Variants in KAT6B observed in about 807,000 individuals in gnomAD.
The protein encoded by KAT6B is lysine acetyltransferase 6B.
A neutral mutation model predicts 187.5 loss-of-function variants in KAT6B; 10 were observed. That is an observed-to-expected ratio of 0.05 (90% CI 0.03 to 0.09). The LOEUF (loss-of-function observed/expected upper bound fraction) is 0.09, where lower values mean the gene tolerates loss of function less well. Among genes scored for constraint, KAT6B ranks in the 10% least tolerant of loss-of-function variants. The pLI is 1.00. For synonymous variants in KAT6B, 861 were observed against 926.8 expected (o/e 0.93, Z 1.29); for missense variants, 1,952 against 2,558.9 (o/e 0.76, Z 5.12).
intron 17 of KAT6B, among the ~76,000 whole-genome samples, chr10:75,027,918 T>G (rs1845997855): frequency 6.6e-6 from 1 of 152,106 alleles, no homozygotes; most frequent in Admixed American, 6.5e-5. Flanking sequence ...TTTTGGGTAT[T>G]TAGTTATTTA....
chr10:74,879,107 C>CA (rs1844657342), intron 3 of KAT6B, among the ~76,000 whole-genome samples: 1 of 152,158 alleles, frequency 6.6e-6, no homozygotes, highest in East Asian at 1.9e-4. Flanking sequence ...AAGTAGCTTC[C>CA]CAGTCTCTTT....
chr10:74,959,526 T>G (rs1217947673), intron 3 of KAT6B, among the ~76,000 whole-genome samples: 1 of 152,188 alleles, frequency 6.6e-6, no homozygotes, highest in Non-Finnish European at 1.5e-5. Context: ...GTCAAATAAT[T>G]TAAGAGATTT....
chr10:74,843,063 C>T lies in KAT6B; in HGVS notation c.206C>T (p.Ala69Val). ...SVLKVTNKGL[A>V]SYKDPDNPGR... is the part of the protein sequence containing the mutation. ...CTCAAAGTCACCAACAAAGGCCTTGCCTCCTATAAGGACCCAGACAACCCT... is the reference window on the plus strand; with the variant it reads ...CTCAAAGTCACCAACAAAGGCCTTGTCTCCTATAAGGACCCAGACAACCCT... The change falls in exon 3 of 18, where the codon GCC becomes GTC. Residue 69 changes from alanine to valine, a missense_variant. This residue lies in a region of KAT6B where 218 missense variants were observed against 282.6 expected (regional missense o/e 0.77). Coordinates refer to ENST00000287239, the MANE Select transcript of KAT6B (RefSeq NM_012330.4). 1 of 1,614,188 alleles carries T rather than the reference C, an allele frequency of 6.2e-7. No individual in the cohort carries two copies. Among genetic ancestry groups the T allele is most frequent in the South Asian group, 1.1e-5 (1 of 91,088 alleles).
At chr10:74,861,342 T>C (rs1256087426) in intron 3 of KAT6B, among the ~76,000 whole-genome samples, 1 of 152,210 alleles carries the variant, frequency 6.6e-6, no homozygotes. Flanking sequence ...ATACAGCTGT[T>C]ATTCCTTTTC....
chr10:74,862,602 G>A (rs1360868965), intron 3 of KAT6B, among the ~76,000 whole-genome samples: 2 of 152,190 alleles, frequency 1.3e-5, no homozygotes, highest in African/African-American at 4.8e-5. Context: ...TGTGGCTGAG[G>A]AAGCAATCTA....
At chr10:74,835,982 C>G (rs898823749) in intron 1 of KAT6B, among the ~76,000 whole-genome samples, 2 of 152,194 alleles carry the variant, frequency 1.3e-5, no homozygotes, top group African/African-American at 4.8e-5. Flanking sequence ...AGCAGTTTCT[C>G]TAGATATGTC....
chr10:74,951,424 G>A (rs1840310556), intron 3 of KAT6B, among the ~76,000 whole-genome samples: 1 of 145,732 alleles, frequency 6.9e-6, no homozygotes, highest in East Asian at 2.0e-4. Context: ...GAGCCACCAC[G>A]CCCAGCGACC....
At position 74,981,994 on chromosome 10, in the gene KAT6B, G is replaced by A. The variant is rs559633366; in HGVS notation, c.2373+66G>A. ...TAGTACTCCTAATTGTTGACTATGTGCTGATTTGTGTTTAGAAGGTACAAA... is the reference window on the plus strand; with the variant it reads ...TAGTACTCCTAATTGTTGACTATGTACTGATTTGTGTTTAGAAGGTACAAA... On this transcript the variant is annotated intron_variant, in intron 11 of 17. Transcript: ENST00000287239. The A allele has an allele frequency of 1.3e-5, 19 of 1,428,498 alleles. No individual in the cohort carries two copies. In the African/African-American group the frequency reaches 2.0e-4, roughly 15 times the overall value. The allele number at this position is 1,428,498 out of a possible 1,614,324, so 88.5% of individuals were successfully genotyped here. A position where few individuals can be genotyped will look rare whatever the true frequency, so the allele number is the denominator to read the frequency against.
intron 3 of KAT6B, among the ~76,000 whole-genome samples, chr10:74,933,579 G>A (rs955208934): frequency 1.1e-4 from 16 of 152,126 alleles, no homozygotes; most frequent in Non-Finnish European, 1.5e-5. Context: ...CCCCCAATAA[G>A]TGTTTGTATT....
chr10:75,029,890 C>G lies in KAT6B; in HGVS notation c.5066C>G (p.Thr1689Ser), dbSNP rs1785752326. The change falls in exon 18 of 18, where the codon ACT becomes AGT. Residue 1689 changes from threonine to serine, a missense_variant. By Grantham distance (58) the Thr-to-Ser change is moderately conservative. Transcript: ENST00000287239. This position sits in a 1 kb window ranked among gnomAD's most constrained non-coding sequence, Gnocchi z 6.2. ...NYENPSSYDS[T>S]MGGSICGNGS... The stretch of plus-strand genomic sequence containing the variant: ...GAAAACCCAAGCAGCTACGATTCTA[C>G]TATGGGAGGCAGCATCTGTGGAAAC... The G allele has an allele frequency of 6.2e-7, 1 of 1,614,108 alleles. No individual in the cohort carries two copies. The highest frequency in any genetic ancestry group is 2.2e-5 in the East Asian group (1 of 44,900).
intron 3 of KAT6B, among the ~76,000 whole-genome samples, chr10:74,945,825 T>A (rs1335290042): frequency 6.6e-6 from 1 of 152,204 alleles, no homozygotes; most frequent in Non-Finnish European, 1.5e-5. Flanking sequence ...TAAGTAAAGG[T>A]GAGTTGTTTT....
At chr10:75,009,692 T>C (rs1456250620) in intron 13 of KAT6B, among the ~76,000 whole-genome samples, 1 of 152,188 alleles carries the variant, frequency 6.6e-6, no homozygotes, top group Non-Finnish European at 1.5e-5. Context: ...GTTTGGACTT[T>C]AAGATTCCCT....
At chr10:74,986,341 G>A (rs1052930867) in intron 12 of KAT6B, among the ~76,000 whole-genome samples, 3 of 152,186 alleles carry the variant, frequency 2.0e-5, no homozygotes, top group African/African-American at 7.2e-5. Flanking sequence ...CAATAATTAT[G>A]AGACTTTTAG....
At chr10:74,949,442 A>G (rs1589687004) in intron 3 of KAT6B, among the ~76,000 whole-genome samples, 1 of 152,200 alleles carries the variant, frequency 6.6e-6, no homozygotes, top group East Asian at 1.9e-4. Context: ...AACAAAACAA[A>G]AAAAACAAGA....
chr10:74,830,993 T>C (rs948450736), intron 1 of KAT6B, among the ~76,000 whole-genome samples: 11 of 151,564 alleles, frequency 7.3e-5, no homozygotes, highest in Admixed American at 7.2e-4. Context: ...TTTGCCATGT[T>C]GGGCAGGCTT....
chr10:75,016,212 C>G (rs1054506228), intron 13 of KAT6B, among the ~76,000 whole-genome samples: 1 of 152,116 alleles, frequency 6.6e-6, no homozygotes, highest in Non-Finnish European at 1.5e-5. Flanking sequence ...TTATTTTCTC[C>G]CACTGGGAGA....
At chr10:74,853,070 C>A (rs1842578906) in intron 3 of KAT6B, among the ~76,000 whole-genome samples, 1 of 137,970 alleles carries the variant, frequency 7.2e-6, no homozygotes, top group Admixed American at 7.1e-5. Context: ...GGTCTATATT[C>A]TTTTTATATG....
intron 13 of KAT6B, among the ~76,000 whole-genome samples, chr10:74,989,537 G>T (rs1280084418): frequency 6.6e-6 from 1 of 152,164 alleles, no homozygotes; most frequent in Non-Finnish European, 1.5e-5. Flanking sequence ...TTTCCATTTA[G>T]AAAAATAATT....
chr10:74,871,218 A>T (rs1589516876), intron 3 of KAT6B, among the ~76,000 whole-genome samples: 1 of 86,604 alleles, frequency 1.2e-5, no homozygotes, highest in Non-Finnish European at 2.0e-5. Flanking sequence ...TTTGATATGG[A>T]GTCTTACTCT....
Sources: gnomAD v4.1 joint callset for allele counts (sites outside exome capture counted in the v4.1 genomes callset) on GRCh38, gnomAD v4.1.1 for gene constraint, gnomAD v4.1.1 regional missense constraint, Gnocchi (gnomAD v3.1) non-coding constraint, MANE v1.5 for transcripts, NCBI Gene and HGNC (gene_info 2026-07-23, HGNC 2026-07-21) for gene names.